LARGE2: variants seen among roughly 807,000 people sequenced by gnomAD.
LARGE2 encodes xylosyl- and glucuronyltransferase LARGE2.
In LARGE2, 63 loss-of-function variants were observed where a neutral mutation model predicts 75.3. That is an observed-to-expected ratio of 0.84 (90% confidence interval 0.68 to 1.03). The LOEUF (loss-of-function observed/expected upper bound fraction) is 1.03, where lower values mean the gene tolerates loss of function less well. Ranked by LOEUF, LARGE2 falls within the 50% of genes least tolerant of loss-of-function variation. LARGE2 has a pLI of 0.00. For missense variants in LARGE2, 925 were observed against 980.6 expected, an observed-to-expected ratio of 0.94 and a Z score of 0.76; for synonymous variants, 428 against 420.1, an observed-to-expected ratio of 1.02 and a Z score of -0.23.
At chr11:45,926,908 G>T in intron 10 of LARGE2, 37 bp downstream of exon 10, 1 of 1,573,380 alleles carries the variant, frequency 6.4e-7, no homozygotes. Context: ...GGTATGGCAT[G>T]GGCTGGGGTT....
Position 45,924,543 on chromosome 11 carries a change from GC to G in LARGE2, c.532del (p.Leu178SerfsTer4), listed in dbSNP as rs752491288. On this transcript the variant is annotated frameshift_variant, in exon 5 of 14. Coordinates refer to ENST00000401752, the MANE Select transcript of LARGE2 (RefSeq NM_001300721.2). LOFTEE classifies it high-confidence loss of function. ...VSWIPNKHYS[G>X]LYGLMKLVLP... Reference sequence around the variant, plus strand: ...TGGATCCCCAACAAGCACTACTCCGGCCTCTATGGGCTAATGAAGCTGGTGC... The same window carrying G: ...TGGATCCCCAACAAGCACTACTCCGGCTCTATGGGCTAATGAAGCTGGTGC... 7.6e-5 allele frequency: 123 copies of G among 1,613,576 alleles called. No individual in the cohort carries two copies. The highest frequency in any genetic ancestry group is 9.7e-5 in the Non-Finnish European group (115 of 1,180,020).
chr11:45,926,013 G>A (rs749047143), intron 6 of LARGE2, 26 bp from the exon 7 acceptor site: 6 of 1,541,402 alleles, frequency 3.9e-6, no homozygotes, highest in Non-Finnish European at 5.3e-6. Flanking sequence ...TCCCAGGTGG[G>A]CATGACAGCA....
chr11:45,926,746 C>G lies in LARGE2; in HGVS notation c.1200C>G (p.Asp400Glu), dbSNP rs763149503. Reference protein sequence around the residue: ...QQALAQLDEEDPCFEFRQQQL... With the variant: ...QQALAQLDEEEPCFEFRQQQL... ...CCCTGGCACAACTGGACGAGGAAGA[C>G]CCCTGCTTTGAGTTCCGGCAGCAGC... Residue 400 changes from aspartate to glutamate, a missense_variant, in exon 10 of 14, where the codon GAC (aspartate) becomes GAG (glutamate). By Grantham distance (45) the Asp-to-Glu change is conservative (BLOSUM62 2). Coordinates refer to ENST00000401752, the MANE Select transcript of LARGE2 (RefSeq NM_001300721.2). The G allele has an allele frequency of 6.2e-7, 1 of 1,613,718 alleles. No individual in the cohort carries two copies. Among genetic ancestry groups the G allele is most frequent in the East Asian group, 2.2e-5 (1 of 44,886 alleles).
At chr11:45,926,642 A>G (rs1196383207) in intron 9 of LARGE2, 45 bp downstream of exon 9, 2 of 1,612,720 alleles carry the variant, frequency 1.2e-6, no homozygotes, top group East Asian at 2.2e-5. Flanking sequence ...CTTTGGTGGG[A>G]CCCAGCCTTG....
intron 4 of LARGE2, 93 bp downstream of exon 4, chr11:45,924,370 C>G: frequency 1.9e-6 from 3 of 1,572,390 alleles, no homozygotes; most frequent in Non-Finnish European, 2.6e-6. Context: ...AATCATCAGT[C>G]CCCCCTCCAC....
Position 45,922,999 on chromosome 11 carries a change from C to A in LARGE2, c.117C>A (p.Gly39=), listed in dbSNP as rs771213705. ...GDLGCERREP[G]GRAGAPGCFP... is the part of the protein sequence containing the mutation. ...TGGGGTGTGAGCGCCGCGAGCCTGG[C>A]GGGCGAGCGGGGGCCCCGGGATGCT... The change falls in exon 2 of 14, where the codon GGC becomes GGA. Residue 39 remains glycine (G), a synonymous_variant. Transcript: ENST00000401752. The A allele has an allele frequency of 1.5e-6, 2 of 1,330,996 alleles. No homozygotes were observed. The highest frequency in any genetic ancestry group is 3.2e-5 in the East Asian group (1 of 31,174). 82.4% of individuals were successfully genotyped at this position (1,330,996 alleles called of 1,614,324 possible). A position where few individuals can be genotyped will look rare whatever the true frequency, so the allele number is the denominator to read the frequency against.
At chr11:45,928,405 A>G (rs2087344686) in intron 13 of LARGE2, 33 bp downstream of exon 13, 3 of 1,603,014 alleles carry the variant, frequency 1.9e-6, no homozygotes, top group Non-Finnish European at 2.6e-6. Context: ...TCCACCTTTG[A>G]CTCGAGCACC....
Position 45,926,566 on chromosome 11 carries a change from G to A in LARGE2, c.1133G>A (p.Cys378Tyr), listed in dbSNP as rs751993668. ...CTGCTGCGGAGAGAGCTCTTTGTGT[G>A]CCCCAGCCAGCCCCCACCTGGTGCT... Reference protein sequence around the residue: ...GNLLRRELFVCPSQPPPGAEQ... With the variant: ...GNLLRRELFVYPSQPPPGAEQ... Residue 378 changes from cysteine to tyrosine, a missense_variant, in exon 9 of 14, where the codon TGC (cysteine) becomes TAC (tyrosine). Transcript: ENST00000401752. 10 of 1,613,932 alleles carry A rather than the reference G, an allele frequency of 6.2e-6. No individual in the cohort carries two copies. Among genetic ancestry groups the A allele is most frequent in the Non-Finnish European group, 8.5e-6 (10 of 1,180,028 alleles).
intron 4 of LARGE2, 53 bp downstream of exon 4, chr11:45,924,330 T>C: frequency 6.3e-7 from 1 of 1,598,540 alleles, no homozygotes; most frequent in Non-Finnish European, 8.5e-7. Context: ...CGCTCTCCTC[T>C]CTCCAAGACC....
In LARGE2 at chr11:45,927,296, G is replaced by C. The variant is rs1218203680; in HGVS notation, c.1326-19G>C. ...TGTGCAAGAGGGGCAGAGCTGTGCT[G>C]ACCTCCCTCTCCCCATAGGCTGCAG... On this transcript the variant is annotated intron_variant, in intron 10 of 13. Transcript: ENST00000401752. 9 of 1,606,988 alleles carry C rather than the reference G, an allele frequency of 5.6e-6. No homozygotes were observed. The highest frequency in any genetic ancestry group is 7.6e-6 in the Non-Finnish European group (9 of 1,177,414).
chr11:45,924,529 C>T lies in LARGE2; in HGVS notation c.516C>T (p.Asn172=). The change falls in exon 5 of 14, where the codon AAC becomes AAT. Residue 172 remains asparagine (N), a synonymous_variant. Coordinates refer to ENST00000401752, the MANE Select transcript of LARGE2 (RefSeq NM_001300721.2). ...QLKPQVSWIP[N]KHYSGLYGLM... ...AGCCCCAGGTCTCCTGGATCCCCAA[C>T]AAGCACTACTCCGGCCTCTATGGGC... 1 of 1,613,326 alleles carries T rather than the reference C, an allele frequency of 6.2e-7. No homozygotes were observed. The highest frequency in any genetic ancestry group is 8.5e-7 in the Non-Finnish European group (1 of 1,179,844).
Position 45,927,915 on chromosome 11 carries a change from C to G in LARGE2, c.1605-5C>G, listed in dbSNP as rs201350554. The G allele has an allele frequency of 2.5e-6, 4 of 1,612,710 alleles. No homozygotes were observed. The highest frequency in any genetic ancestry group is 2.7e-5 in the African/African-American group (2 of 75,052). On this transcript the variant is annotated splice_polypyrimidine_tract_variant and splice_region_variant and intron_variant, in intron 11 of 13. Transcript: ENST00000401752. ...TCTCCCCTGCTCATGGGTGCTCCTC[C>G]TCAGGGCCTCCATTGAGCAGCTGGG...
rs1034271472 is a variant in LARGE2 at position 45,923,106 on chromosome 11, G to A, written c.224G>A (p.Gly75Asp). ...AAALDGDPGA[G>D]PGDHNRSDCG... ...GCCCTCGACGGAGACCCGGGGGCCG[G>A]CCCCGGGGACCACAACCGCTCCGAC... is the stretch of plus-strand genomic sequence containing the variant. The change falls in exon 2 of 14, where the codon GGC (glycine) becomes GAC (aspartate). Residue 75 changes from glycine to aspartate, a missense_variant. Gly to Asp is a moderately conservative substitution (Grantham distance 94). Transcript: ENST00000401752. The A allele has an allele frequency of 3.6e-6, 5 of 1,394,278 alleles. No homozygotes were observed. Among genetic ancestry groups the A allele is most frequent in the African/African-American group, 3.0e-5 (2 of 66,040 alleles). The allele number at this position is 1,394,278 out of a possible 1,614,324, so 86.4% of individuals were successfully genotyped here. A position where few individuals can be genotyped will look rare whatever the true frequency, so the allele number is the denominator to read the frequency against.
intron 6 of LARGE2, 70 bp from the exon 7 acceptor site, chr11:45,925,969 C>T (rs1479025421): frequency 7.4e-7 from 1 of 1,357,678 alleles, no homozygotes; most frequent in African/African-American, 1.4e-5. Context: ...CAAAGGACAC[C>T]TTCATGACCC....
rs1347666300 is a variant in LARGE2, at chr11:45,923,030, G to C, written c.148G>C (p.Gly50Arg). ...AGCGGGGGCCCCGGGATGCTTCCCC[G>C]GCCCGCTCATGCCACGTGTCCCCCC... ...GRAGAPGCFP[G>R]PLMPRVPPDG... Residue 50 changes from glycine (G) to arginine (R), a missense_variant, in exon 2 of 14, where the codon GGC becomes CGC. Around this residue, in one of 3 missense-constraint regions of LARGE2, gnomAD observed 453 missense variants for 460.2 expected, o/e 0.98. Transcript: ENST00000401752. 2.1e-6 allele frequency: 3 copies of C among 1,399,252 alleles called. No homozygotes were observed. The highest frequency in any genetic ancestry group is 1.5e-5 in the African/African-American group (1 of 66,128). The allele number at this position is 1,399,252 out of a possible 1,614,324, so 86.7% of individuals were successfully genotyped here.
At chr11:45,927,775 G>C (rs1296804833) in intron 11 of LARGE2, 145 bp from the exon 12 acceptor site, 2 of 1,438,794 alleles carry the variant, frequency 1.4e-6, no homozygotes, top group African/African-American at 1.4e-5. Context: ...TTCAACAGCA[G>C]CTCCACCTGT....
At position 45,923,007 on chromosome 11, in the gene LARGE2, CG is replaced by C; in HGVS notation, c.130del (p.Ala44ProfsTer73). ...GCERREPGGRAGAPGCFPGPL... is the reference protein window; with the variant it reads ...GCERREPGGRXGAPGCFPGPL... The stretch of plus-strand genomic sequence containing the variant: ...GAGCGCCGCGAGCCTGGCGGGCGAG[CG>C]GGGGCCCCGGGATGCTTCCCCGGCC... On this transcript the variant is annotated frameshift_variant, in exon 2 of 14. Coordinates refer to ENST00000401752, the MANE Select transcript of LARGE2 (RefSeq NM_001300721.2). LOFTEE classifies it high-confidence loss of function. The C allele has an allele frequency of 1.5e-6, 2 of 1,347,522 alleles. No individual in the cohort carries two copies. The highest frequency in any genetic ancestry group is 3.7e-5 in the South Asian group (2 of 54,756). The allele number at this position is 1,347,522 out of a possible 1,614,324, so 83.5% of individuals were successfully genotyped here.
At position 45,926,503 on chromosome 11, in the gene LARGE2, G is replaced by A. The variant is rs377153640; in HGVS notation, c.1070G>A (p.Arg357His). 138 of 1,614,080 alleles carry A rather than the reference G, an allele frequency of 8.5e-5. 3 individuals are homozygous for A. In the South Asian group the frequency reaches 1.4e-3, roughly 17 times the overall value. Residue 357 changes from arginine (R) to histidine (H), a missense_variant, in exon 9 of 14, where the codon CGC (arginine) becomes CAC (histidine). By Grantham distance (29) the Arg-to-His change is conservative (BLOSUM62 0). Coordinates refer to ENST00000401752, the MANE Select transcript of LARGE2 (RefSeq NM_001300721.2). ...RVKNKHVEFF[R>H]NFYLTFLEYD... ...AAGAACAAGCATGTGGAATTCTTCC[G>A]CAATTTCTACCTGACCTTCCTGGAG... is the stretch of plus-strand genomic sequence containing the variant.
At chr11:45,922,767 C>A in intron 1 of LARGE2, 39 bp downstream of exon 1, 1 of 860,588 alleles carries the variant, frequency 1.2e-6, no homozygotes, top group Non-Finnish European at 1.5e-6. Flanking sequence ...ACAACCCGGC[C>A]GTCGGGCCCC....
Sources: gnomAD v4.1 joint callset for allele counts on GRCh38, gnomAD v4.1.1 for gene constraint, gnomAD v4.1.1 regional missense constraint, MANE v1.5 for transcripts, NCBI Gene and HGNC (gene_info 2026-07-23, HGNC 2026-07-21) for gene names.